The following OVOL2 variants were observed in gnomAD, a reference collection of about 807,000 sequenced individuals.
OVOL2 encodes the protein transcription factor Ovo-like 2.
A neutral mutation model predicts 18.1 loss-of-function variants in OVOL2; 13 were observed. The ratio of observed to expected loss-of-function variants is 0.72; its 90% CI spans 0.47 to 1.14. OVOL2 has a LOEUF of 1.14. OVOL2 is among the 50% of genes most tolerant of loss of function. OVOL2 has a pLI of 0.00. For missense variants in OVOL2, 335 were observed against 383.0 expected (o/e 0.87, Z 1.05); for synonymous variants, 166 against 162.7 (o/e 1.02, Z -0.16).
In OVOL2 at chr20:18,041,871, A is replaced by C. The variant is rs184054258; in HGVS notation, c.322-148T>G. The C allele has an allele frequency of 2.7e-3, 1,588 of 578,024 alleles. 13 individuals carry two copies. The highest frequency in any genetic ancestry group is 2.8e-3 in the Non-Finnish European group (993 of 349,928). 35.8% of individuals were successfully genotyped at this position (578,024 alleles called of 1,614,324 possible). A position where few individuals can be genotyped will look rare whatever the true frequency, so the allele number is the denominator to read the frequency against. ...TTCAAGCAGGTTTTGGCTTTGGGAA[A>C]GGTGAAGTAACAACTGGCAGTTCCT... On this transcript the variant is annotated intron_variant, in intron 2 of 3. Transcript: ENST00000278780.
At chr20:18,038,540 C>G (rs915321229) in intron 3 of OVOL2, among the ~76,000 whole-genome samples, 1 of 152,258 alleles carries the variant, frequency 6.6e-6, no homozygotes. Context: ...CTAATATTTC[C>G]CTTAGTCTCC....
intron 3 of OVOL2, among the ~76,000 whole-genome samples, chr20:18,028,639 A>G (rs1268130961): frequency 1.3e-5 from 2 of 151,974 alleles, no homozygotes; most frequent in Admixed American, 6.6e-5. Context: ...GTAAAAATAC[A>G]AAAATTAGCC....
intron 2 of OVOL2, among the ~76,000 whole-genome samples, chr20:18,052,223 A>G (rs1448702281): frequency 1.3e-5 from 2 of 152,200 alleles, no homozygotes; most frequent in Non-Finnish European, 2.9e-5. Context: ...CCATTTCTTC[A>G]ACAATTAACT....
chr20:18,033,781 A>AT, intron 3 of OVOL2, among the ~76,000 whole-genome samples: 1 of 151,942 alleles, frequency 6.6e-6, no homozygotes, highest in East Asian at 1.9e-4. Context: ...GCTGGTTATT[A>AT]TTTTTTCCTC....
chr20:18,028,785 C>T (rs776253033), intron 3 of OVOL2, among the ~76,000 whole-genome samples: 1 of 151,616 alleles, frequency 6.6e-6, no homozygotes, highest in Non-Finnish European at 1.5e-5. Context: ...AGAGCGAGAC[C>T]CTGTCTCAAA....
chr20:18,026,706 G>A (rs749306858), intron 3 of OVOL2, among the ~76,000 whole-genome samples: 1 of 152,056 alleles, frequency 6.6e-6, no homozygotes, highest in Non-Finnish European at 1.5e-5. Context: ...AACAAACGTC[G>A]CTGGATATTC....
chr20:18,034,793 C>T (rs1008220709), intron 3 of OVOL2, among the ~76,000 whole-genome samples: 1 of 152,052 alleles, frequency 6.6e-6, no homozygotes, highest in African/African-American at 2.4e-5. Context: ...GGATCTTTTC[C>T]AAGATATTTC....
At chr20:18,041,448 C>T in intron 3 of OVOL2, 86 bp downstream of exon 3, 2 of 1,483,552 alleles carry the variant, frequency 1.3e-6, no homozygotes, top group South Asian at 1.3e-5. Context: ...GTTCCACGGT[C>T]TCAACCTGGT....
At chr20:18,036,516 T>C (rs78930857) in intron 3 of OVOL2, among the ~76,000 whole-genome samples, 18,357 of 152,068 alleles carry the variant, frequency 0.12, 1,204 homozygotes, top group Middle Eastern at 0.16. Flanking sequence ...TCCCCTAAGG[T>C]GATAACTGCG....
chr20:18,041,424 A>C, intron 3 of OVOL2, 110 bp downstream of exon 3: 2 of 1,312,360 alleles, frequency 1.5e-6, no homozygotes, highest in South Asian at 3.0e-5. Context: ...TGATCTTTCT[A>C]GAAACACAAC....
intron 2 of OVOL2, among the ~76,000 whole-genome samples, chr20:18,043,621 A>G (rs576918045): frequency 6.6e-6 from 1 of 152,286 alleles, no homozygotes; most frequent in South Asian, 2.1e-4. Flanking sequence ...AGCCATGCCT[A>G]TGGCTTTTGT....
chr20:18,056,790 C>CGA lies in OVOL2; in HGVS notation c.187_188insTC (p.Gly63ValfsTer73). ...GCTGCTCTCTGCTCCTCCAGGCTCC[C>CGA]CCGCGCTGCTGCTGCCGCTGCCGCT... is the stretch of plus-strand genomic sequence containing the variant. On this transcript the variant is annotated frameshift_variant, in exon 2 of 4. Transcript: ENST00000278780. LOFTEE classifies it high-confidence loss of function. The surrounding 1 kb of genome is among the most constrained non-coding windows in gnomAD (Gnocchi z 4.2). The CGA allele has an allele frequency of 6.7e-7, 1 of 1,500,394 alleles. No individual in the cohort carries two copies. The highest frequency in any genetic ancestry group is 1.5e-5 in the African/African-American group (1 of 68,944). 92.9% of individuals were successfully genotyped at this position (1,500,394 alleles called of 1,614,324 possible).
chr20:18,035,372 G>A (rs142864709), intron 3 of OVOL2, among the ~76,000 whole-genome samples: 2,327 of 152,266 alleles, frequency 0.015, 52 homozygotes, highest in African/African-American at 0.051. Flanking sequence ...CAAGAGAATC[G>A]CTGGAACCCA....
Position 18,057,544 on chromosome 20 carries a change from A to G in OVOL2, c.91T>C (p.Tyr31His). ...CCCCGCGCGCGCTCACCTGGGATGT[A>G]GGTGTCTGCCCTTTTCTCATCCGGG... ...ELPDEKRADT[Y>H]IPVGLGRLLH... The change falls in exon 1 of 4, where the codon TAC (tyrosine) becomes CAC (histidine). Residue 31 changes from tyrosine (Y) to histidine (H), a missense_variant. By Grantham distance (83) the Tyr-to-His change is moderately conservative. Transcript: ENST00000278780. This position sits in a 1 kb window ranked among gnomAD's most constrained non-coding sequence, Gnocchi z 6.3. 12 of 1,580,458 alleles carry G rather than the reference A, an allele frequency of 7.6e-6. No homozygotes were observed. The highest frequency in any genetic ancestry group is 1.0e-5 in the Non-Finnish European group (12 of 1,163,746).
Position 18,056,855 on chromosome 20 carries a change from G to T in OVOL2, c.123C>A (p.His41Gln). 1 of 1,486,398 alleles carries T rather than the reference G, an allele frequency of 6.7e-7. No homozygotes were observed. The highest frequency in any genetic ancestry group is 1.5e-5 in the African/African-American group (1 of 68,686). 92.1% of individuals were successfully genotyped at this position (1,486,398 alleles called of 1,614,324 possible). A position where few individuals can be genotyped will look rare whatever the true frequency, so the allele number is the denominator to read the frequency against. Reference sequence around the variant, plus strand: ...CGCTGCGGCAGTCCTCGGGGGGGTCGTGGAGCAGGCGGCCTAGGCCCACTG... The same window carrying T: ...CGCTGCGGCAGTCCTCGGGGGGGTCTTGGAGCAGGCGGCCTAGGCCCACTG... Reference protein sequence around the residue: ...YIPVGLGRLLHDPPEDCRSDG... With the variant: ...YIPVGLGRLLQDPPEDCRSDG... The change falls in exon 2 of 4, where the codon CAC (histidine) becomes CAA (glutamine). Residue 41 changes from histidine (H) to glutamine (Q), a missense_variant. Transcript: ENST00000278780. The surrounding 1 kb of genome is among the most constrained non-coding windows in gnomAD (Gnocchi z 4.2).
intron 3 of OVOL2, among the ~76,000 whole-genome samples, chr20:18,041,162 T>G: frequency 6.9e-6 from 1 of 145,278 alleles, no homozygotes; most frequent in Middle Eastern, 3.2e-3. Flanking sequence ...CTTGTGATCT[T>G]TCTTTTTTTT....
chr20:18,027,236 G>T (rs970808297), intron 3 of OVOL2, among the ~76,000 whole-genome samples: 2 of 151,954 alleles, frequency 1.3e-5, no homozygotes, highest in African/African-American at 2.4e-5. Flanking sequence ...TTTAAGAAAC[G>T]AATTGGCTGG....
At chr20:18,031,733 GA>G (rs1484426967) in intron 3 of OVOL2, among the ~76,000 whole-genome samples, 2 of 152,232 alleles carry the variant, frequency 1.3e-5, no homozygotes, top group African/African-American at 4.8e-5. Context: ...TGGTGGAGGA[GA>G]GGGGGGACTG....
Position 18,056,557 on chromosome 20 carries a change from C to G in OVOL2, c.321+100G>C. ...GCGGGCGCGCTCGGGGCGCGGGTGCCGGGTTGCGCAGGCGGGCGCGGCAGG... is the reference window on the plus strand; with the variant it reads ...GCGGGCGCGCTCGGGGCGCGGGTGCGGGGTTGCGCAGGCGGGCGCGGCAGG... On this transcript the variant is annotated intron_variant, in intron 2 of 3. Coordinates refer to ENST00000278780, the MANE Select transcript of OVOL2 (RefSeq NM_021220.4). This position sits in a 1 kb window ranked among gnomAD's most constrained non-coding sequence, Gnocchi z 4.2. 1.7e-6 allele frequency: 2 copies of G among 1,183,360 alleles called. No individual in the cohort carries two copies. Among genetic ancestry groups the G allele is most frequent in the Non-Finnish European group, 2.1e-6 (2 of 956,234 alleles). 73.3% of individuals were successfully genotyped at this position (1,183,360 alleles called of 1,614,324 possible). A position where few individuals can be genotyped will look rare whatever the true frequency, so the allele number is the denominator to read the frequency against.
Sources: gnomAD v4.1 joint callset for allele counts (sites outside exome capture counted in the v4.1 genomes callset) on GRCh38, gnomAD v4.1.1 for gene constraint, Gnocchi (gnomAD v3.1) non-coding constraint, MANE v1.5 for transcripts, NCBI Gene and HGNC (gene_info 2026-07-23, HGNC 2026-07-21) for gene names.